The following TMEM143 variants were observed in gnomAD, a reference collection of about 807,000 sequenced individuals.
The protein encoded by TMEM143 is transmembrane protein 143.
A neutral mutation model predicts 40.3 loss-of-function variants in TMEM143; 45 were observed. The ratio of observed to expected loss-of-function variants is 1.12; its 90% confidence interval spans 0.88 to 1.43. The LOEUF is 1.43. TMEM143 is among the 40% of genes most tolerant of loss of function. The pLI, the probability that TMEM143 is intolerant of heterozygous loss-of-function variation, is 0.00. For synonymous variants in TMEM143, 299 were observed against 282.7 expected (o/e 1.06, Z -0.58); for missense variants, 620 against 613.4 (o/e 1.01, Z -0.11).
chr19:48,356,532 G>A (rs1284451041), intron 3 of TMEM143, among the ~76,000 whole-genome samples: 1 of 149,710 alleles, frequency 6.7e-6, no homozygotes, highest in African/African-American at 2.5e-5. Context: ...CTGGGTTCAA[G>A]CGATCTCCTG....
chr19:48,338,049 C>G (rs1438341076), intron 6 of TMEM143, among the ~76,000 whole-genome samples: 1 of 152,066 alleles, frequency 6.6e-6, no homozygotes, highest in Non-Finnish European at 1.5e-5. Flanking sequence ...CCGCTGCCCA[C>G]AAGGAATACA....
At chr19:48,353,294 C>A (rs1969816055) in intron 3 of TMEM143, among the ~76,000 whole-genome samples, 1 of 151,810 alleles carries the variant, frequency 6.6e-6, no homozygotes, top group Admixed American at 6.6e-5. Context: ...ATTCTCCTGC[C>A]TCAGCCTCCA....
At chr19:48,343,268 T>G (rs1469268233) in intron 5 of TMEM143, 53 bp downstream of exon 5, 1 of 1,579,318 alleles carries the variant, frequency 6.3e-7, no homozygotes, top group Admixed American at 1.8e-5. Context: ...AGTCCCCTCT[T>G]GACTCTAACC....
At chr19:48,339,088 G>A (rs981404856) in intron 6 of TMEM143, among the ~76,000 whole-genome samples, 2 of 151,546 alleles carry the variant, frequency 1.3e-5, no homozygotes, top group African/African-American at 4.9e-5. Flanking sequence ...GCCAGGCTGT[G>A]CCCAGAGGAG....
At position 48,332,936 on chromosome 19, in the gene TMEM143, A is replaced by C; in HGVS notation, c.*283T>G. The C allele has an allele frequency of 3.5e-6, 1 of 283,082 alleles. No homozygotes were observed. Among genetic ancestry groups the C allele is most frequent in the Non-Finnish European group, 6.6e-6 (1 of 152,070 alleles). The allele number at this position is 283,082 out of a possible 1,614,324, so 17.5% of individuals were successfully genotyped here. ...GGCAGACACCCTCAGCTCCTCAGCC[A>C]AACCACACTTGGATGTTTATGGTGA... is the stretch of plus-strand genomic sequence containing the variant. On this transcript the variant is annotated 3_prime_UTR_variant, in exon 8 of 8. Transcript: ENST00000293261.
At chr19:48,360,045 A>G (rs760221719) in intron 3 of TMEM143, 27 bp downstream of exon 3, 4 of 1,607,710 alleles carry the variant, frequency 2.5e-6, no homozygotes, top group Non-Finnish European at 3.4e-6. Context: ...AACAAGCACC[A>G]CAGGGCTGGA....
chr19:48,333,888 G>A lies in TMEM143; in HGVS notation c.1165+120C>T. On this transcript the variant is annotated intron_variant, in intron 7 of 7. Coordinates refer to ENST00000293261, the MANE Select transcript of TMEM143 (RefSeq NM_018273.4). This position sits in a 1 kb window ranked among gnomAD's most constrained non-coding sequence, Gnocchi z 4.1. ...GGAGGTCCTGTCTGCTGAGGGCCGG[G>A]GTCTCTTCGCAAACCCGTCAGGTTC... 9.1e-7 allele frequency: 1 copy of A among 1,093,728 alleles called. No individual in the cohort carries two copies. Among genetic ancestry groups the A allele is most frequent in the African/African-American group, 1.6e-5 (1 of 63,018 alleles). 67.8% of individuals were successfully genotyped at this position (1,093,728 alleles called of 1,614,324 possible).
intron 3 of TMEM143, among the ~76,000 whole-genome samples, chr19:48,352,261 A>AAAAAAAAAAC (rs930196732): frequency 2.1e-5 from 3 of 143,914 alleles, no homozygotes; most frequent in African/African-American, 8.3e-5. Flanking sequence ...AAAAAAAAAA[A>AAAAAAAAAAC]ACACCATATC....
intron 1 of TMEM143, 171 bp from the exon 2 acceptor site, chr19:48,363,702 C>T (rs1490861345): frequency 7.3e-7 from 1 of 1,370,700 alleles, no homozygotes; most frequent in Admixed American, 2.5e-5. Flanking sequence ...CTCAGTTGGC[C>T]TGGGTCCCAG....
intron 6 of TMEM143, among the ~76,000 whole-genome samples, chr19:48,339,803 A>G (rs965557661): frequency 6.6e-6 from 1 of 152,156 alleles, no homozygotes; most frequent in African/African-American, 2.4e-5. Flanking sequence ...ATCTCAGCTC[A>G]CTGCAACCTC....
Position 48,360,096 on chromosome 19 carries a change from G to A in TMEM143, c.345C>T (p.Tyr115=). The A allele has an allele frequency of 6.2e-7, 1 of 1,614,120 alleles. No individual in the cohort carries two copies. Among genetic ancestry groups the A allele is most frequent in the Non-Finnish European group, 8.5e-7 (1 of 1,180,010 alleles). The change falls in exon 3 of 8, where the codon TAC becomes TAT. Residue 115 remains tyrosine (Y), a synonymous_variant. Transcript: ENST00000293261. ...CCTGCAGCCGGGCCAGGATTTGGTG[G>A]TAGTGGAACAGGGTGCAGAAGTCCA... ...AHVDFCTLFH[Y]HQILARLQAL... is the part of the protein sequence containing the mutation.
intron 2 of TMEM143, among the ~76,000 whole-genome samples, chr19:48,360,721 T>TAC (rs991470853): frequency 1.3e-5 from 2 of 151,836 alleles, no homozygotes; most frequent in Non-Finnish European, 2.9e-5. Context: ...TCCTAGCCAA[T>TAC]ACACACACAC....
chr19:48,336,242 G>A (rs1451323405), intron 6 of TMEM143, among the ~76,000 whole-genome samples: 1 of 151,912 alleles, frequency 6.6e-6, no homozygotes, highest in Non-Finnish European at 1.5e-5. Flanking sequence ...ATTAGACCTG[G>A]CACGGTGGTT....
intron 4 of TMEM143, 38 bp from the exon 5 acceptor site, chr19:48,343,489 T>A: frequency 6.5e-7 from 1 of 1,544,838 alleles, no homozygotes. Context: ...CGGGTGAACA[T>A]GGGCAGGAGT....
At position 48,333,970 on chromosome 19, in the gene TMEM143, G is replaced by T; in HGVS notation, c.1165+38C>A. On this transcript the variant is annotated intron_variant, in intron 7 of 7. Coordinates refer to ENST00000293261, the MANE Select transcript of TMEM143 (RefSeq NM_018273.4). The surrounding 1 kb of genome is among the most constrained non-coding windows in gnomAD (Gnocchi z 4.1). Reference sequence around the variant, plus strand: ...CGCTGGGGCGGGGCCTCGCGGGGGTGTGGCCCCTGGGGGCAGGGTCCCAGG... The same window carrying T: ...CGCTGGGGCGGGGCCTCGCGGGGGTTTGGCCCCTGGGGGCAGGGTCCCAGG... The T allele has an allele frequency of 6.7e-7, 1 of 1,491,360 alleles. No individual in the cohort carries two copies. The allele number at this position is 1,491,360 out of a possible 1,614,324, so 92.4% of individuals were successfully genotyped here. A position where few individuals can be genotyped will look rare whatever the true frequency, so the allele number is the denominator to read the frequency against.
At chr19:48,339,922 T>C (rs1339692808) in intron 6 of TMEM143, among the ~76,000 whole-genome samples, 1 of 151,340 alleles carries the variant, frequency 6.6e-6, no homozygotes, top group African/African-American at 2.4e-5. Flanking sequence ...AGAGATGGGG[T>C]TTCACTACGT....
At chr19:48,339,988 C>A (rs1247398303) in intron 6 of TMEM143, among the ~76,000 whole-genome samples, 1 of 151,728 alleles carries the variant, frequency 6.6e-6, no homozygotes, top group African/African-American at 2.4e-5. Context: ...CTCAGCCTCC[C>A]AAAGTGCTGG....
At chr19:48,355,429 A>T (rs1969867548) in intron 3 of TMEM143, among the ~76,000 whole-genome samples, 1 of 152,118 alleles carries the variant, frequency 6.6e-6, no homozygotes, top group African/African-American at 2.4e-5. Flanking sequence ...CGGGGGCTTG[A>T]TCTCGACTCC....
chr19:48,337,796 A>T (rs1382337308), intron 6 of TMEM143, among the ~76,000 whole-genome samples: 1 of 152,198 alleles, frequency 6.6e-6, no homozygotes, highest in African/African-American at 2.4e-5. Flanking sequence ...CCAGGCCAGC[A>T]CAGTCAGTTT....
Sources: allele counts gnomAD v4.1 joint callset (sites outside exome capture counted in the v4.1 genomes callset), GRCh38; gene constraint gnomAD v4.1.1; non-coding constraint Gnocchi (gnomAD v3.1); transcripts MANE v1.5; gene names NCBI Gene and HGNC (gene_info 2026-07-23, HGNC 2026-07-21).